Variants in VMP1 observed in about 807,000 individuals in gnomAD.
VMP1 encodes vacuole membrane protein 1.
Under a neutral mutation model 56.0 loss-of-function variants are expected in VMP1, and 11 were observed. That is an observed-to-expected ratio of 0.20 (90% CI 0.12 to 0.32). VMP1 has a LOEUF of 0.32. Among genes scored for constraint, VMP1 ranks in the 10% least tolerant of loss-of-function variants. The pLI is 1.00. For synonymous variants in VMP1, 149 were observed against 165.0 expected (o/e 0.90, Z 0.74); for missense variants, 296 against 490.3 (o/e 0.60, Z 3.74).
chr17:59,712,425 G>T (rs1598274128), intron 1 of VMP1, among the ~76,000 whole-genome samples: 1 of 152,194 alleles, frequency 6.6e-6, no homozygotes, highest in East Asian at 1.9e-4. Context: ...ACAGAATTTG[G>T]CAATTGAAAC....
At chr17:59,719,217 G>A (rs746220667) in intron 1 of VMP1, among the ~76,000 whole-genome samples, 1 of 152,098 alleles carries the variant, frequency 6.6e-6, no homozygotes. Flanking sequence ...ACTTCTGGAG[G>A]TTGAGGCCAG....
intron 7 of VMP1, among the ~76,000 whole-genome samples, chr17:59,800,645 T>G (rs915883521): frequency 6.6e-6 from 1 of 152,184 alleles, no homozygotes; most frequent in Non-Finnish European, 1.5e-5. Context: ...CAGCCAGTGA[T>G]GAACTGCATG....
At chr17:59,778,431 T>C (rs1236138590) in intron 7 of VMP1, among the ~76,000 whole-genome samples, 2 of 151,570 alleles carry the variant, frequency 1.3e-5, no homozygotes, top group Non-Finnish European at 2.9e-5. Flanking sequence ...TAGTCCCAGC[T>C]ACTTGGGAGG....
intron 5 of VMP1, among the ~76,000 whole-genome samples, chr17:59,751,469 C>T (rs568966540): frequency 1.3e-5 from 2 of 151,866 alleles, no homozygotes; most frequent in East Asian, 1.9e-4. Context: ...AGACCGGGCT[C>T]GGTGGCTCAT....
intron 5 of VMP1, among the ~76,000 whole-genome samples, chr17:59,750,915 C>G (rs1424128685): frequency 6.8e-6 from 1 of 147,468 alleles, no homozygotes. Context: ...CAGATTTTTC[C>G]AAGATAGCAC....
intron 5 of VMP1, among the ~76,000 whole-genome samples, chr17:59,744,853 C>A (rs1466677831): frequency 6.6e-6 from 1 of 150,820 alleles, no homozygotes; most frequent in Admixed American, 6.6e-5. Flanking sequence ...CTGGGTTTAA[C>A]AGAAAGAATG....
intron 7 of VMP1, among the ~76,000 whole-genome samples, chr17:59,800,100 A>C (rs1023349340): frequency 1.3e-5 from 2 of 152,162 alleles, no homozygotes; most frequent in African/African-American, 2.4e-5. Flanking sequence ...TTTTAAAATA[A>C]CTCAAAGAGC....
chr17:59,717,270 G>A (rs1002651753), intron 1 of VMP1, among the ~76,000 whole-genome samples: 10 of 152,052 alleles, frequency 6.6e-5, no homozygotes, highest in African/African-American at 1.9e-4. Flanking sequence ...GCGCTCGGCC[G>A]GTCCGCCATC....
In VMP1 at chr17:59,789,410, C is replaced by T. The variant is rs183104607; in HGVS notation, c.714+15525C>T. On this transcript the variant is annotated intron_variant, in intron 7 of 11. Coordinates refer to ENST00000262291, the MANE Select transcript of VMP1 (RefSeq NM_030938.5). Reference sequence around the variant, plus strand: ...ATTAGCCCGGCGTGGTGGCTCGCACCTGTAGTCCCAATTACTCGGGAGACT... The same window carrying T: ...ATTAGCCCGGCGTGGTGGCTCGCACTTGTAGTCCCAATTACTCGGGAGACT... Among the ~76,000 whole-genome samples, 1,140 of 152,136 alleles carry T rather than the reference C, an allele frequency of 7.5e-3. 3 individuals carry two copies. The highest frequency in any genetic ancestry group is 0.012 in the Non-Finnish European group (843 of 67,976).
At chr17:59,748,521 C>G (rs1294265086) in intron 5 of VMP1, among the ~76,000 whole-genome samples, 1 of 152,126 alleles carries the variant, frequency 6.6e-6, no homozygotes, top group East Asian at 1.9e-4. Context: ...AGTCATTCAA[C>G]TGTAAATGGG....
At position 59,773,638 on chromosome 17, in the gene VMP1, C is replaced by T. The variant is rs998384867; in HGVS notation, c.583-116C>T. 6 of 1,014,950 alleles carry T rather than the reference C, an allele frequency of 5.9e-6. No individual in the cohort carries two copies. The South Asian group carries it at 1.1e-4, about 19-fold the overall frequency. The allele number at this position is 1,014,950 out of a possible 1,614,324, so 62.9% of individuals were successfully genotyped here. On this transcript the variant is annotated intron_variant, in intron 6 of 11. Coordinates refer to ENST00000262291, the MANE Select transcript of VMP1 (RefSeq NM_030938.5). The stretch of plus-strand genomic sequence containing the variant: ...TTTGATTATGTAGCATATGCTTTCC[C>T]CCAATATATTGCATCTCAAAATGCT...
intron 10 of VMP1, 29 bp from the exon 11 acceptor site, chr17:59,838,266 T>A: frequency 6.3e-7 from 1 of 1,593,008 alleles, no homozygotes; most frequent in South Asian, 1.1e-5. Flanking sequence ...ATGTGTCTTT[T>A]TCTTTGGGCT....
intron 9 of VMP1, among the ~76,000 whole-genome samples, chr17:59,812,437 G>A (rs1598429818): frequency 6.6e-6 from 1 of 152,258 alleles, no homozygotes; most frequent in African/African-American, 2.4e-5. Context: ...ATGTGTATGT[G>A]TGTGTGCACA....
chr17:59,723,405 A>G lies in VMP1; in HGVS notation c.-26-8016A>G, dbSNP rs1377864544. Among the ~76,000 whole-genome samples, 5 of 152,340 alleles carry G rather than the reference A, an allele frequency of 3.3e-5. 1 individual carries two copies. In the South Asian group the frequency reaches 8.3e-4, roughly 25 times the overall value. ...TAGAGCAGGGGGAGCCGTCAGAGAA[A>G]TAGGAGGAAAAATGAAAGTATTTCA... is the stretch of plus-strand genomic sequence containing the variant. On this transcript the variant is annotated intron_variant, in intron 1 of 11. Coordinates refer to ENST00000262291, the MANE Select transcript of VMP1 (RefSeq NM_030938.5).
chr17:59,710,452 A>G (rs1010853389), intron 1 of VMP1, among the ~76,000 whole-genome samples: 2 of 152,202 alleles, frequency 1.3e-5, no homozygotes, highest in African/African-American at 4.8e-5. Flanking sequence ...AATATTTCCA[A>G]GTTCACATGA....
chr17:59,790,848 C>T (rs988112158), intron 7 of VMP1, among the ~76,000 whole-genome samples: 10 of 152,088 alleles, frequency 6.6e-5, no homozygotes, highest in Admixed American at 3.9e-4. Flanking sequence ...TAAAATTTGT[C>T]AAATACTTCT....
At chr17:59,813,338 G>C (rs2038118000) in intron 9 of VMP1, among the ~76,000 whole-genome samples, 1 of 152,144 alleles carries the variant, frequency 6.6e-6, no homozygotes, top group South Asian at 2.1e-4. Context: ...AGCACTTTGG[G>C]AGGCCGAGGC....
intron 2 of VMP1, among the ~76,000 whole-genome samples, chr17:59,732,468 C>T (rs1417642648): frequency 6.6e-6 from 1 of 152,194 alleles, no homozygotes; most frequent in Non-Finnish European, 1.5e-5. Flanking sequence ...GTCTTGAACT[C>T]CTGACCTCGG....
chr17:59,727,043 ATG>A (rs910789158), intron 1 of VMP1, among the ~76,000 whole-genome samples: 5 of 152,078 alleles, frequency 3.3e-5, no homozygotes, highest in African/African-American at 1.2e-4. Context: ...CAACCCTCTG[ATG>A]TGTGTCATGT....
Sources: allele counts gnomAD v4.1 joint callset (sites outside exome capture counted in the v4.1 genomes callset), GRCh38; gene constraint gnomAD v4.1.1; transcripts MANE v1.5; gene names NCBI Gene and HGNC (gene_info 2026-07-23, HGNC 2026-07-21).